The following GRID2 variants were observed in gnomAD, a reference collection of about 807,000 sequenced individuals.
The protein encoded by GRID2 is glutamate receptor ionotropic, delta-2.
A neutral mutation model predicts 114.8 loss-of-function variants in GRID2; 33 were observed. The observed-to-expected ratio is 0.29, with a 90% confidence interval of 0.22 to 0.38. The LOEUF is 0.38. Ranked by LOEUF, GRID2 falls within the 10% of genes least tolerant of loss-of-function variation. The probability of loss-of-function intolerance (pLI) is 1.00; values close to 1 mark genes in which losing one functional copy is unlikely to be tolerated. For missense variants in GRID2, 1,184 were observed against 1,257.7 expected (o/e 0.94, Z 0.89); for synonymous variants, 505 against 449.9 (o/e 1.12, Z -1.55).
chr4:92,553,676 C>T (rs191912641), intron 1 of GRID2, among the ~76,000 whole-genome samples: 110 of 150,688 alleles, frequency 7.3e-4, no homozygotes, highest in African/African-American at 2.5e-3. Context: ...TATTTTTAGA[C>T]AGTCTCTCTC....
At chr4:93,649,418 T>A (rs1722392446) in intron 14 of GRID2, among the ~76,000 whole-genome samples, 2 of 152,214 alleles carry the variant, frequency 1.3e-5, no homozygotes, top group Admixed American at 6.5e-5. Context: ...ACATAATAAT[T>A]ATTTGACAAT....
At chr4:93,046,996 G>C (rs1239162023) in intron 2 of GRID2, among the ~76,000 whole-genome samples, 1 of 151,878 alleles carries the variant, frequency 6.6e-6, no homozygotes, top group Non-Finnish European at 1.5e-5. Flanking sequence ...AAATCATGTT[G>C]ATAGTATGGA....
intron 4 of GRID2, among the ~76,000 whole-genome samples, chr4:93,153,924 G>T (rs1224434109): frequency 2.0e-5 from 3 of 151,880 alleles, no homozygotes; most frequent in African/African-American, 7.3e-5. Context: ...TTATCCACAG[G>T]CACAATGTTG....
At chr4:93,434,133 T>C (rs566077919) in intron 10 of GRID2, among the ~76,000 whole-genome samples, 6 of 152,360 alleles carry the variant, frequency 3.9e-5, no homozygotes, top group Admixed American at 1.3e-4. Context: ...AATTCAAGAA[T>C]GTGTTGCAGG....
intron 1 of GRID2, among the ~76,000 whole-genome samples, chr4:92,346,645 C>T (rs904569663): frequency 3.9e-5 from 6 of 152,138 alleles, no homozygotes; most frequent in African/African-American, 1.2e-4. Flanking sequence ...CATGAGCCAC[C>T]GTGCCCAGCC....
chr4:93,524,052 A>G (rs185661879), intron 13 of GRID2, among the ~76,000 whole-genome samples: 1 of 152,218 alleles, frequency 6.6e-6, no homozygotes, highest in East Asian at 1.9e-4. Context: ...CATCAGCAGA[A>G]GGAGGGTGAG....
At chr4:93,432,394 C>T (rs1422889188) in intron 10 of GRID2, among the ~76,000 whole-genome samples, 1 of 152,024 alleles carries the variant, frequency 6.6e-6, no homozygotes, top group African/African-American at 2.4e-5. Flanking sequence ...GAGACATAAA[C>T]TTGGATAAAA....
intron 13 of GRID2, among the ~76,000 whole-genome samples, chr4:93,519,258 G>T (rs897206954): frequency 1.3e-5 from 2 of 152,066 alleles, no homozygotes; most frequent in African/African-American, 4.8e-5. Context: ...TATGACTATT[G>T]TGCTGAAACA....
intron 1 of GRID2, among the ~76,000 whole-genome samples, chr4:92,582,281 C>T (rs888880084): frequency 2.5e-4 from 38 of 151,824 alleles, no homozygotes; most frequent in African/African-American, 8.9e-4. Context: ...AACAAAACTC[C>T]TTAGAAATTG....
At chr4:93,034,459 C>T (rs1259752498) in intron 2 of GRID2, among the ~76,000 whole-genome samples, 2 of 152,128 alleles carry the variant, frequency 1.3e-5, no homozygotes, top group Admixed American at 6.6e-5. Flanking sequence ...ATCCAATCAC[C>T]TTGCACAATA....
chr4:93,803,749 C>A (rs553312807), intron 1 of GRID2, among the ~76,000 whole-genome samples: 40 of 151,882 alleles, frequency 2.6e-4, no homozygotes, highest in Non-Finnish European at 3.7e-4. Context: ...ACACCTTTTT[C>A]AAATATACTA....
rs556944974 is a variant in GRID2 at position 93,657,479 on chromosome 4, A to G, written c.2360+31044A>G. Among the ~76,000 whole-genome samples the G allele has an allele frequency of 5.3e-5, 8 of 152,322 alleles. No individual in the cohort carries two copies. In the South Asian group the frequency reaches 1.7e-3, roughly 32 times the overall value. On this transcript the variant is annotated intron_variant, in intron 14 of 15. Coordinates refer to ENST00000282020, the MANE Select transcript of GRID2 (RefSeq NM_001510.4). ...ACTTTAAATACTCTATCATGGAACT[A>G]TTCGATTTGATGGGACATAAATCTT...
Position 92,588,655 on chromosome 4 carries a change from G to A in GRID2, c.89-1476G>A, listed in dbSNP as rs537812828. Among the ~76,000 whole-genome samples the A allele has an allele frequency of 2.4e-4, 32 of 136,024 alleles. 1 individual carries two copies. Among genetic ancestry groups the A allele is most frequent in the African/African-American group, 7.5e-4 (26 of 34,546 alleles). 89.2% of individuals were successfully genotyped at this position (136,024 alleles called of 152,430 possible). ...GATGGCGCCACTGCACTCCAGCCTG[G>A]GCAACAGAGTGAGACTCCGTCTCAA... On this transcript the variant is annotated intron_variant, in intron 1 of 15. Coordinates refer to ENST00000282020, the MANE Select transcript of GRID2 (RefSeq NM_001510.4).
At chr4:92,693,335 A>G (rs373151321) in intron 2 of GRID2, among the ~76,000 whole-genome samples, 140 of 152,316 alleles carry the variant, frequency 9.2e-4, no homozygotes, top group African/African-American at 3.2e-3. Flanking sequence ...TTAGAACTGT[A>G]GTGATTTCTA....
intron 2 of GRID2, among the ~76,000 whole-genome samples, chr4:92,871,688 T>A (rs1357308295): frequency 6.6e-6 from 1 of 151,988 alleles, no homozygotes; most frequent in Non-Finnish European, 1.5e-5. Context: ...ATATTAGAAT[T>A]TTTTTTAACT....
At chr4:92,895,402 T>C (rs765710797) in intron 2 of GRID2, among the ~76,000 whole-genome samples, 13 of 146,874 alleles carry the variant, frequency 8.9e-5, no homozygotes, top group Non-Finnish European at 1.8e-4. Context: ...TATATATATA[T>C]ATAAACTGAA....
At chr4:92,893,131 A>G (rs1426306893) in intron 2 of GRID2, among the ~76,000 whole-genome samples, 2 of 152,194 alleles carry the variant, frequency 1.3e-5, no homozygotes, top group African/African-American at 2.4e-5. Context: ...GCTACAGTAT[A>G]TATCCTCTGT....
chr4:92,700,629 C>T (rs1188313341), intron 2 of GRID2, among the ~76,000 whole-genome samples: 1 of 152,112 alleles, frequency 6.6e-6, no homozygotes, highest in African/African-American at 2.4e-5. Context: ...CCAGGGAAGA[C>T]ACGGGTTTAA....
At chr4:92,645,591 C>T (rs1182259814) in intron 2 of GRID2, among the ~76,000 whole-genome samples, 3 of 151,596 alleles carry the variant, frequency 2.0e-5, no homozygotes, top group African/African-American at 7.3e-5. Flanking sequence ...ATATCCAGAT[C>T]AGGATATAGA....
Sources: allele counts gnomAD v4.1 joint callset (sites outside exome capture counted in the v4.1 genomes callset), GRCh38; gene constraint gnomAD v4.1.1; transcripts MANE v1.5; gene names NCBI Gene and HGNC (gene_info 2026-07-23, HGNC 2026-07-21).